Variants in KCNT2 observed in about 807,000 individuals in gnomAD.
KCNT2 encodes potassium channel subfamily T member 2.
KCNT2 carries 67 observed loss-of-function variants against 153.8 expected under a neutral mutation model. That is an observed-to-expected ratio of 0.44 (90% confidence interval 0.36 to 0.53). The LOEUF (loss-of-function observed/expected upper bound fraction) is 0.53, where lower values mean the gene tolerates loss of function less well. KCNT2 is among the 20% of genes least tolerant of loss of function. KCNT2 has a pLI of 0.00. For synonymous variants in KCNT2, 500 were observed against 458.8 expected, an observed-to-expected ratio of 1.09 and a Z score of -1.15; for missense variants, 975 against 1,354.8, an observed-to-expected ratio of 0.72 and a Z score of 4.40.
intron 5 of KCNT2, among the ~76,000 whole-genome samples, chr1:196,478,798 A>G (rs950401431): frequency 1.1e-4 from 16 of 152,206 alleles, no homozygotes; most frequent in Admixed American, 9.8e-4. Flanking sequence ...TGTTAGCCAA[A>G]CAAAGCTTTA....
chr1:196,426,825 A>T (rs1673693586), intron 10 of KCNT2, among the ~76,000 whole-genome samples: 1 of 151,776 alleles, frequency 6.6e-6, no homozygotes, highest in Admixed American at 6.6e-5. Context: ...ACGGTGGCAG[A>T]TTTCCCCCTT....
intron 16 of KCNT2, among the ~76,000 whole-genome samples, chr1:196,338,834 A>C (rs1271121926): frequency 2.0e-5 from 3 of 151,356 alleles, no homozygotes; most frequent in Non-Finnish European, 4.4e-5. Flanking sequence ...GGGGCTATTT[A>C]CTGACCAGAT....
At chr1:196,325,759 A>C (rs1019862934) in intron 19 of KCNT2, among the ~76,000 whole-genome samples, 17 of 152,122 alleles carry the variant, frequency 1.1e-4, no homozygotes, top group African/African-American at 4.1e-4. Context: ...AAATTCTACA[A>C]GTGTGATAAA....
rs1190945475 is a variant in KCNT2 at position 196,226,329 on chromosome 1, T to C, written c.*1895A>G. The C allele has an allele frequency of 6.6e-6, 1 of 152,036 alleles. No individual in the cohort carries two copies. The highest frequency in any genetic ancestry group is 1.5e-5 in the Non-Finnish European group (1 of 67,884). 9.4% of individuals were successfully genotyped at this position (152,036 alleles called of 1,614,324 possible). A position where few individuals can be genotyped will look rare whatever the true frequency, so the allele number is the denominator to read the frequency against. ...ATATAAAACAAGTTCATAAAATTTA[T>C]TGTTTTTCTCTGTTACATATATTAG... On this transcript the variant is annotated 3_prime_UTR_variant, in exon 28 of 28. Coordinates refer to ENST00000294725, the MANE Select transcript of KCNT2 (RefSeq NM_198503.5).
intron 8 of KCNT2, among the ~76,000 whole-genome samples, chr1:196,442,056 A>C (rs1675279884): frequency 6.6e-6 from 1 of 151,838 alleles, no homozygotes; most frequent in South Asian, 2.1e-4. Context: ...ATCAAGAAAA[A>C]TCATCACTTT....
intron 22 of KCNT2, among the ~76,000 whole-genome samples, chr1:196,303,595 C>A (rs1383276280): frequency 6.6e-6 from 1 of 152,056 alleles, no homozygotes; most frequent in Non-Finnish European, 1.5e-5. Flanking sequence ...GCTTTTAGTA[C>A]CATTTATTTG....
intron 1 of KCNT2, among the ~76,000 whole-genome samples, chr1:196,604,788 T>C (rs1387944225): frequency 6.6e-6 from 1 of 151,850 alleles, no homozygotes; most frequent in African/African-American, 2.4e-5. Flanking sequence ...GCATACAATA[T>C]ACAATATTTT....
chr1:196,284,549 A>G (rs1659478687), intron 23 of KCNT2, among the ~76,000 whole-genome samples: 1 of 151,858 alleles, frequency 6.6e-6, no homozygotes, highest in Non-Finnish European at 1.5e-5. Flanking sequence ...TCCTATTGAT[A>G]TAAAATCTTC....
chr1:196,576,351 G>C (rs1271039209), intron 1 of KCNT2, among the ~76,000 whole-genome samples: 1 of 152,028 alleles, frequency 6.6e-6, no homozygotes, highest in Non-Finnish European at 1.5e-5. Flanking sequence ...AAGACAAGCA[G>C]TATTGTCACT....
intron 13 of KCNT2, among the ~76,000 whole-genome samples, chr1:196,380,014 T>C (rs1329260045): frequency 6.6e-6 from 1 of 152,206 alleles, no homozygotes; most frequent in African/African-American, 2.4e-5. Context: ...AACAGTATAC[T>C]TTTAAAACGT....
chr1:196,402,596 G>A (rs1671508028), intron 12 of KCNT2, among the ~76,000 whole-genome samples: 1 of 151,272 alleles, frequency 6.6e-6, no homozygotes, highest in Admixed American at 6.6e-5. Flanking sequence ...AAAAAATGTG[G>A]GAAAGGAAAA....
At position 196,340,451 on chromosome 1, in the gene KCNT2, T is replaced by C; in HGVS notation, c.1673A>G (p.Glu558Gly). 1 of 1,612,002 alleles carries C rather than the reference T, an allele frequency of 6.2e-7. No individual in the cohort carries two copies. The highest frequency in any genetic ancestry group is 8.5e-7 in the Non-Finnish European group (1 of 1,178,490). ...TTGGTTTTTAAATGCTGAATTCTCT[T>C]CTTTGGTAATATTAATATAAAAGCA... ...DICFYINITK[E>G]ENSAFKNQDQ... Residue 558 changes from glutamate (E) to glycine (G), a missense_variant, in exon 16 of 28, where the codon GAA becomes GGA. This residue lies in a region of KCNT2 where 325 missense variants were observed against 388.1 expected (regional missense o/e 0.84). Transcript: ENST00000294725.
intron 1 of KCNT2, among the ~76,000 whole-genome samples, chr1:196,584,880 A>C (rs1250760755): frequency 2.0e-5 from 3 of 152,052 alleles, no homozygotes; most frequent in Non-Finnish European, 2.9e-5. Context: ...CCAGGGTTCC[A>C]AACAAAACAT....
intron 1 of KCNT2, among the ~76,000 whole-genome samples, chr1:196,581,079 GT>G (rs545381285): frequency 1.1e-4 from 17 of 150,360 alleles, no homozygotes; most frequent in Admixed American, 4.0e-4. Flanking sequence ...AAAACGTACA[GT>G]TTTTTTTTCA....
chr1:196,514,849 A>T (rs1481110688), intron 1 of KCNT2, among the ~76,000 whole-genome samples: 1 of 152,192 alleles, frequency 6.6e-6, no homozygotes, highest in African/African-American at 2.4e-5. Flanking sequence ...GAATCGCGAA[A>T]CTATTTGTAC....
At position 196,371,122 on chromosome 1, in the gene KCNT2, G is replaced by T. The variant is rs954171635; in HGVS notation, c.1403+2018C>A. On this transcript the variant is annotated intron_variant, in intron 14 of 27. Coordinates refer to ENST00000294725, the MANE Select transcript of KCNT2 (RefSeq NM_198503.5). ...ATTTCAGCTGAGCCTAATGGCTCAG[G>T]TCTGTAATTCCAGCACTTTGGAAGG... Among the ~76,000 whole-genome samples, 4 of 147,420 alleles carry T rather than the reference G, an allele frequency of 2.7e-5. No individual in the cohort carries two copies. The Admixed American group carries it at 2.8e-4, about 10-fold the overall frequency.
At chr1:196,292,406 A>G (rs1660264575) in intron 22 of KCNT2, among the ~76,000 whole-genome samples, 1 of 152,240 alleles carries the variant, frequency 6.6e-6, no homozygotes, top group Admixed American at 6.5e-5. Context: ...TTCTAAGATC[A>G]GGGGCAAAGT....
At chr1:196,536,950 T>C (rs1252727906) in intron 1 of KCNT2, among the ~76,000 whole-genome samples, 1 of 152,220 alleles carries the variant, frequency 6.6e-6, no homozygotes, top group Non-Finnish European at 1.5e-5. Context: ...TCTATATCAA[T>C]GAATTCTATA....
At chr1:196,334,483 C>CTTTTTTTTTTTTTTTTTTTTTTTT (rs757677685) in intron 16 of KCNT2, among the ~76,000 whole-genome samples, 1 of 42,340 alleles carries the variant, frequency 2.4e-5, no homozygotes, top group African/African-American at 2.0e-4. Flanking sequence ...TTCTTTCTTT[C>CTTTTTTTTTTTTTTTTTTTTTTTT]TTTCTTTTTT....
Sources: allele counts gnomAD v4.1 joint callset (sites outside exome capture counted in the v4.1 genomes callset), GRCh38; gene constraint gnomAD v4.1.1; regional missense constraint gnomAD v4.1.1; transcripts MANE v1.5; gene names NCBI Gene and HGNC (gene_info 2026-07-23, HGNC 2026-07-21).